The following PM20D1 variants were observed in gnomAD, a reference collection of about 807,000 sequenced individuals.
PM20D1 encodes the protein N-fatty-acyl-amino acid synthase/hydrolase PM20D1.
In PM20D1, 53 loss-of-function variants were observed where a neutral mutation model predicts 53.8. The ratio of observed to expected loss-of-function variants is 0.98; its 90% CI spans 0.79 to 1.24. The LOEUF is 1.24. Among genes scored for constraint, PM20D1 ranks in the 50% most tolerant of loss-of-function variants. The pLI is 0.00. For synonymous variants in PM20D1, 239 were observed against 241.3 expected (o/e 0.99, Z 0.09); for missense variants, 564 against 616.8 (o/e 0.91, Z 0.91).
intron 10 of PM20D1, among the ~76,000 whole-genome samples, chr1:205,835,182 C>A (rs1309480141): frequency 6.6e-6 from 1 of 152,056 alleles, no homozygotes; most frequent in East Asian, 1.9e-4. Context: ...GAATGTTTAG[C>A]CCAAGTTTCA....
At position 205,842,673 on chromosome 1, in the gene PM20D1, T is replaced by C. The variant is rs770535698; in HGVS notation, c.903+3A>G. On this transcript the variant is annotated splice_donor_region_variant and intron_variant, in intron 7 of 12. Transcript: ENST00000367136. The stretch of plus-strand genomic sequence containing the variant: ...TAGGAGTATGTGATACTTCTTCCCA[T>C]ACCTCATTTGCCAGTTGCTGCAATA... The C allele has an allele frequency of 1.9e-6, 3 of 1,613,778 alleles. No homozygotes were observed. The highest frequency in any genetic ancestry group is 2.5e-6 in the Non-Finnish European group (3 of 1,179,896).
At chr1:205,849,839 G>T in intron 1 of PM20D1, 65 bp downstream of exon 1, 1 of 1,525,066 alleles carries the variant, frequency 6.6e-7, no homozygotes, top group Non-Finnish European at 8.8e-7. Flanking sequence ...GGGGAGTCAC[G>T]GGTTGACCTG....
chr1:205,831,376 C>G (rs1409904620), intron 11 of PM20D1, among the ~76,000 whole-genome samples: 1 of 152,002 alleles, frequency 6.6e-6, no homozygotes, highest in Non-Finnish European at 1.5e-5. Context: ...GTAAGTGCTC[C>G]AGAAGAAAGA....
Position 205,840,701 on chromosome 1 carries a change from A to G in PM20D1, c.1045-378T>C, listed in dbSNP as rs532658026. ...CCAGGACATTTCTGCAGCTGTTAAC[A>G]TTAGTGCTTACTCACGATGGGGCAG... On this transcript the variant is annotated intron_variant, in intron 9 of 12. Transcript: ENST00000367136. Among the ~76,000 whole-genome samples the G allele has an allele frequency of 5.9e-5, 9 of 152,296 alleles. 1 individual carries two copies. The highest frequency in any genetic ancestry group is 3.4e-3 in the Middle Eastern group (1 of 294).
intron 7 of PM20D1, among the ~76,000 whole-genome samples, 191 bp from the exon 8 acceptor site, chr1:205,842,406 C>T: frequency 6.6e-6 from 1 of 152,184 alleles, no homozygotes; most frequent in South Asian, 2.1e-4. Flanking sequence ...CTGGGCTTAT[C>T]TGGTTGGTTA....
chr1:205,830,576 T>C (rs1291922313), intron 11 of PM20D1, among the ~76,000 whole-genome samples, 197 bp from the exon 12 acceptor site: 1 of 151,222 alleles, frequency 6.6e-6, no homozygotes. Context: ...TCCAAGGGCA[T>C]TGGTGAGACA....
chr1:205,847,733 T>C, intron 2 of PM20D1, 152 bp downstream of exon 2: 1 of 711,452 alleles, frequency 1.4e-6, no homozygotes, highest in Non-Finnish European at 2.4e-6. Flanking sequence ...GCTTAGTTTT[T>C]CCAAGAGCAA....
chr1:205,841,227 T>A (rs140745160), intron 9 of PM20D1, among the ~76,000 whole-genome samples: 50 of 152,296 alleles, frequency 3.3e-4, no homozygotes, highest in African/African-American at 1.2e-3. Context: ...GATTGTTCCT[T>A]GGAGGCCGGG....
At chr1:205,846,122 C>T (rs988448902) in intron 2 of PM20D1, among the ~76,000 whole-genome samples, 11 of 150,046 alleles carry the variant, frequency 7.3e-5, no homozygotes, top group Admixed American at 7.3e-4. Flanking sequence ...CGTGGTGGCT[C>T]ATGCCTGTAA....
chr1:205,843,847 G>GC, intron 5 of PM20D1, 61 bp from the exon 6 acceptor site: 1 of 1,584,238 alleles, frequency 6.3e-7, no homozygotes, highest in Non-Finnish European at 8.6e-7. Context: ...TCTCCCATAG[G>GC]CCCATAGGTC....
intron 2 of PM20D1, among the ~76,000 whole-genome samples, chr1:205,845,998 G>A (rs748998718): frequency 1.3e-5 from 2 of 151,050 alleles, no homozygotes; most frequent in African/African-American, 4.9e-5. Flanking sequence ...CAGGAGAATC[G>A]CTTGAACCTG....
chr1:205,839,667 A>T (rs1215069309), intron 10 of PM20D1, among the ~76,000 whole-genome samples: 1 of 152,152 alleles, frequency 6.6e-6, no homozygotes, highest in Non-Finnish European at 1.5e-5. Flanking sequence ...AACACGGTGA[A>T]ACACCGTCTC....
chr1:205,832,603 G>A lies in PM20D1; in HGVS notation c.1280C>T (p.Ala427Val), dbSNP rs568595161. The A allele has an allele frequency of 1.9e-6, 3 of 1,614,100 alleles. No homozygotes were observed. The highest frequency in any genetic ancestry group is 2.2e-5 in the South Asian group (2 of 91,080). ...ACAGCTGATGAAGTCATTACCTGGGGCAGTAATATTGACTTCCGGGAAGAC... is the reference window on the plus strand; with the variant it reads ...ACAGCTGATGAAGTCATTACCTGGGACAGTAATATTGACTTCCGGGAAGAC... ...QSVFPEVNIT[A>V]PVTSIGNTDS... The change falls in exon 11 of 13, where the codon GCC (alanine) becomes GTC (valine). Residue 427 changes from alanine (A) to valine (V), a missense_variant. By Grantham distance (64) the Ala-to-Val change is moderately conservative. Transcript: ENST00000367136.
intron 4 of PM20D1, 73 bp downstream of exon 4, chr1:205,844,738 G>A: frequency 2.1e-6 from 3 of 1,399,294 alleles, no homozygotes; most frequent in African/African-American, 1.4e-5. Context: ...TGGGCAAACT[G>A]GACTAGGGTT....
At chr1:205,849,414 C>T (rs749978170) in intron 1 of PM20D1, among the ~76,000 whole-genome samples, 10 of 152,122 alleles carry the variant, frequency 6.6e-5, no homozygotes, top group Non-Finnish European at 1.3e-4. Flanking sequence ...CCGACAGGCA[C>T]TAGATGCTGT....
rs1188553014 is a variant in PM20D1 at position 205,850,006 on chromosome 1, A to C, written c.67T>G (p.Ser23Ala). Residue 23 changes from serine to alanine, a missense_variant, in exon 1 of 13, where the codon TCC becomes GCC. Ser to Ala is a moderately conservative substitution (Grantham distance 99, BLOSUM62 1). Coordinates refer to ENST00000367136, the MANE Select transcript of PM20D1 (RefSeq NM_152491.5). Reference protein sequence around the residue: ...AMLLLVFPTVSRSMGPRSGEH... With the variant: ...AMLLLVFPTVARSMGPRSGEH... ...CCGCTCCTCGGGCCCATCGATCTGG[A>C]GACGGTAGGGAAAACTAGGAGCAGC... 1 of 1,613,964 alleles carries C rather than the reference A, an allele frequency of 6.2e-7. No homozygotes were observed. Among genetic ancestry groups the C allele is most frequent in the Non-Finnish European group, 8.5e-7 (1 of 1,180,008 alleles).
rs537712404 is a variant in PM20D1, at chr1:205,846,881, A to G, written c.256+1004T>C. 1.3e-4 allele frequency among the ~76,000 whole-genome samples: 19 copies of G among 151,824 alleles called. No homozygotes were observed. The East Asian group carries it at 3.7e-3, about 29-fold the overall frequency. ...AGCTTATCCAGTTTACTGTCACTAT[A>G]CATTTCCTTTCCTATGTTTGTCTCC... On this transcript the variant is annotated intron_variant, in intron 2 of 12. Coordinates refer to ENST00000367136, the MANE Select transcript of PM20D1 (RefSeq NM_152491.5).
rs1229185594 is a variant in PM20D1 at position 205,841,748 on chromosome 1, C to A, written c.1044+63G>T. 1.0e-5 allele frequency: 15 copies of A among 1,440,252 alleles called. No individual in the cohort carries two copies. In the East Asian group the frequency reaches 3.0e-4, roughly 29 times the overall value. The allele number at this position is 1,440,252 out of a possible 1,614,324, so 89.2% of individuals were successfully genotyped here. On this transcript the variant is annotated intron_variant, in intron 9 of 12. Coordinates refer to ENST00000367136, the MANE Select transcript of PM20D1 (RefSeq NM_152491.5). ...GGAAGGAAGAGCCAGTAGATAGATTCAAGGAAGGGAGGAGTGGAGGGCGGT... is the reference window on the plus strand; with the variant it reads ...GGAAGGAAGAGCCAGTAGATAGATTAAAGGAAGGGAGGAGTGGAGGGCGGT...
intron 1 of PM20D1, among the ~76,000 whole-genome samples, chr1:205,849,700 C>T (rs1325787316): frequency 2.0e-5 from 3 of 151,994 alleles, no homozygotes; most frequent in African/African-American, 7.2e-5. Context: ...ACCAGAGTTC[C>T]AGGAGCCAGG....
Sources: gnomAD v4.1 joint callset for allele counts (sites outside exome capture counted in the v4.1 genomes callset) on GRCh38, gnomAD v4.1.1 for gene constraint, MANE v1.5 for transcripts, NCBI Gene and HGNC (gene_info 2026-07-23, HGNC 2026-07-21) for gene names.